TRERF1: variants seen among roughly 807,000 people sequenced by gnomAD.
The protein encoded by TRERF1 is transcriptional-regulating factor 1.
TRERF1 carries 27 observed loss-of-function variants against 122.9 expected under a neutral mutation model. The observed-to-expected ratio is 0.22, with a 90% CI of 0.16 to 0.30. The LOEUF (loss-of-function observed/expected upper bound fraction) is 0.30. Ranked by LOEUF, TRERF1 falls within the 10% of genes least tolerant of loss-of-function variation. The probability of loss-of-function intolerance (pLI) is 1.00; values close to 1 mark genes in which losing one functional copy is unlikely to be tolerated. For missense variants in TRERF1, 1,248 were observed against 1,560.3 expected, an observed-to-expected ratio of 0.80 and a Z score of 3.37; for synonymous variants, 636 against 641.7, an observed-to-expected ratio of 0.99 and a Z score of 0.13.
intron 4 of TRERF1, among the ~76,000 whole-genome samples, chr6:42,282,203 T>C (rs556154218): frequency 6.6e-6 from 1 of 152,170 alleles, no homozygotes; most frequent in Non-Finnish European, 1.5e-5. Context: ...AAGGGATTGA[T>C]TGAAGGAAAT....
At chr6:42,243,686 T>C (rs9394890) in intron 14 of TRERF1, among the ~76,000 whole-genome samples, 7,037 of 151,450 alleles carry the variant, frequency 0.046, 488 homozygotes, top group East Asian at 0.3. Flanking sequence ...GTTCACACCA[T>C]TCTCCTGCCT....
intron 4 of TRERF1, among the ~76,000 whole-genome samples, chr6:42,281,418 C>T (rs1192214172): frequency 2.0e-5 from 3 of 152,132 alleles, no homozygotes; most frequent in Admixed American, 6.5e-5. Flanking sequence ...TACTAGATAT[C>T]CAGTTCCATA....
At chr6:42,338,587 T>C (rs528624118) in intron 3 of TRERF1, among the ~76,000 whole-genome samples, 8 of 152,350 alleles carry the variant, frequency 5.3e-5, no homozygotes, top group Non-Finnish European at 1.0e-4. Context: ...CTGAGAATTA[T>C]GAGCTGGAAA....
chr6:42,452,171 C>T (rs1788667598), upstream of TRERF1: 1 of 148,768 alleles, frequency 6.7e-6, no homozygotes, highest in African/African-American at 2.5e-5. Context: ...ATGCAAATTC[C>T]TCCCTTGTCA....
chr6:42,384,810 G>GA (rs1776516599), intron 2 of TRERF1, among the ~76,000 whole-genome samples: 1 of 145,082 alleles, frequency 6.9e-6, no homozygotes, highest in African/African-American at 2.5e-5. Flanking sequence ...TGTCTTTTGG[G>GA]TTTTTTTTTT....
At chr6:42,409,159 G>T (rs1780734063) in intron 2 of TRERF1, among the ~76,000 whole-genome samples, 1 of 152,032 alleles carries the variant, frequency 6.6e-6, no homozygotes, top group African/African-American at 2.4e-5. Context: ...TATGCCTGTA[G>T]TCCCAGCTAC....
intron 14 of TRERF1, among the ~76,000 whole-genome samples, chr6:42,244,773 T>C (rs1181400996): frequency 2.0e-5 from 3 of 152,260 alleles, no homozygotes; most frequent in Non-Finnish European, 1.5e-5. Context: ...GCAAAAGTTA[T>C]GATGACAGAG....
At chr6:42,429,992 AG>A (rs1465170886) in intron 2 of TRERF1, among the ~76,000 whole-genome samples, 1 of 152,022 alleles carries the variant, frequency 6.6e-6, no homozygotes, top group Non-Finnish European at 1.5e-5. Context: ...ATGAGTATCT[AG>A]GTTCTGGAAG....
chr6:42,246,782 C>T (rs1277081921), intron 13 of TRERF1, among the ~76,000 whole-genome samples: 1 of 152,164 alleles, frequency 6.6e-6, no homozygotes, highest in Non-Finnish European at 1.5e-5. Flanking sequence ...GTTTTGTTAC[C>T]TACAAATGGG....
intron 2 of TRERF1, among the ~76,000 whole-genome samples, chr6:42,426,228 G>A (rs1270555334): frequency 6.6e-6 from 1 of 152,026 alleles, no homozygotes; most frequent in Non-Finnish European, 1.5e-5. Context: ...TACACACCGG[G>A]CACATGACAT....
intron 2 of TRERF1, among the ~76,000 whole-genome samples, chr6:42,389,097 G>A (rs1777282973): frequency 6.6e-6 from 1 of 152,106 alleles, no homozygotes; most frequent in Admixed American, 6.5e-5. Context: ...ATTGGAGAGA[G>A]GGGGTACTTA....
chr6:42,412,641 G>C (rs1232132444), intron 2 of TRERF1, among the ~76,000 whole-genome samples: 2 of 152,160 alleles, frequency 1.3e-5, no homozygotes, highest in African/African-American at 4.8e-5. Flanking sequence ...AGTCAGCTCA[G>C]TGGTGGGGCA....
At chr6:42,248,782 C>T (rs948437909) in intron 13 of TRERF1, among the ~76,000 whole-genome samples, 10 of 152,238 alleles carry the variant, frequency 6.6e-5, no homozygotes, top group Middle Eastern at 3.4e-3. Flanking sequence ...CACGGAGCCT[C>T]AGGGGGGCTG....
chr6:42,228,170 A>G lies in TRERF1; in HGVS notation c.*175T>C, dbSNP rs1015237123. The G allele has an allele frequency of 3.4e-6, 2 of 593,086 alleles. No homozygotes were observed. The highest frequency in any genetic ancestry group is 5.4e-6 in the Non-Finnish European group (2 of 371,818). The allele number at this position is 593,086 out of a possible 1,614,324, so 36.7% of individuals were successfully genotyped here. On this transcript the variant is annotated 3_prime_UTR_variant, in exon 18 of 18. Transcript: ENST00000372922. This position sits in a 1 kb window ranked among gnomAD's most constrained non-coding sequence, Gnocchi z 4.2. Reference sequence around the variant, plus strand: ...TTCCCCCAACCCCCCACAAAAACAAATTTTTTTAAATAAAAGGAAAAGAAA... The same window carrying G: ...TTCCCCCAACCCCCCACAAAAACAAGTTTTTTTAAATAAAAGGAAAAGAAA...
chr6:42,257,531 G>A (rs1776993427), intron 10 of TRERF1, among the ~76,000 whole-genome samples: 1 of 152,170 alleles, frequency 6.6e-6, no homozygotes, highest in South Asian at 2.1e-4. Context: ...ATGTAAGCAA[G>A]GCTGGAATAA....
chr6:42,440,318 C>A (rs1228126833), intron 2 of TRERF1, among the ~76,000 whole-genome samples: 4 of 152,148 alleles, frequency 2.6e-5, no homozygotes, highest in Non-Finnish European at 2.9e-5. Flanking sequence ...GTCTAAGGAT[C>A]AGGAGCCAGT....
At chr6:42,258,159 C>T in exon 10 of TRERF1, 2 of 1,614,196 alleles carry the variant, frequency 1.2e-6, no homozygotes, top group Non-Finnish European at 1.7e-6. Context: ...AGTCTGCTCT[C>T]CAGGCCCTGG....
upstream of TRERF1, chr6:42,452,131 C>T (rs918066564): frequency 1.3e-5 from 2 of 150,770 alleles, no homozygotes; most frequent in Non-Finnish European, 3.0e-5. Context: ...CCAAGCTCCT[C>T]TCGGCCTTTT....
chr6:42,260,254 G>A (rs115378370), intron 8 of TRERF1, among the ~76,000 whole-genome samples: 11 of 151,920 alleles, frequency 7.2e-5, no homozygotes, highest in African/African-American at 2.2e-4. Flanking sequence ...TTTCAGCAGG[G>A]GGGGAGAGCC....
Sources: allele counts gnomAD v4.1 joint callset (sites outside exome capture counted in the v4.1 genomes callset), GRCh38; gene constraint gnomAD v4.1.1; non-coding constraint Gnocchi (gnomAD v3.1); transcripts MANE v1.5; gene names NCBI Gene and HGNC (gene_info 2026-07-23, HGNC 2026-07-21).